Variants in CD247 observed in about 807,000 individuals in gnomAD.
CD247 encodes the protein CD247 molecule, also known as T-cell surface glycoprotein CD3 zeta chain.
A neutral mutation model predicts 30.0 loss-of-function variants in CD247; 13 were observed. That is an observed-to-expected ratio of 0.43 (90% CI 0.28 to 0.69). The LOEUF (loss-of-function observed/expected upper bound fraction) is 0.69. Ranked by LOEUF, CD247 falls within the 30% of genes least tolerant of loss-of-function variation. The pLI is 0.16. For synonymous variants in CD247, 72 were observed against 80.0 expected (o/e 0.90, Z 0.53); for missense variants, 193 against 212.6 (o/e 0.91, Z 0.57).
intron 6 of CD247, among the ~76,000 whole-genome samples, chr1:167,433,537 T>C (rs1651376546): frequency 6.6e-6 from 1 of 152,220 alleles, no homozygotes; most frequent in African/African-American, 2.4e-5. Flanking sequence ...CACATGTTTC[T>C]CATTGGGTTG....
At chr1:167,517,109 G>GACCCT (rs1158758901) in intron 1 of CD247, among the ~76,000 whole-genome samples, 7 of 152,218 alleles carry the variant, frequency 4.6e-5, no homozygotes, top group Non-Finnish European at 1.0e-4. Context: ...GCTGCTCTGA[G>GACCCT]CAAGCTCAGG....
At chr1:167,474,123 G>T (rs190843523) in intron 1 of CD247, among the ~76,000 whole-genome samples, 5 of 152,010 alleles carry the variant, frequency 3.3e-5, no homozygotes, top group African/African-American at 1.2e-4. Flanking sequence ...GATTTCATTC[G>T]CAAGAGAAAT....
At chr1:167,491,544 G>T (rs1654450216) in intron 1 of CD247, among the ~76,000 whole-genome samples, 1 of 147,302 alleles carries the variant, frequency 6.8e-6, no homozygotes, top group Non-Finnish European at 1.5e-5. Context: ...TCCAGCCTGG[G>T]CAACAAGAGC....
chr1:167,490,396 G>A (rs918642022), intron 1 of CD247, among the ~76,000 whole-genome samples: 1 of 152,086 alleles, frequency 6.6e-6, no homozygotes, highest in African/African-American at 2.4e-5. Flanking sequence ...AGGCCGAGTT[G>A]GGTGGATCAC....
At chr1:167,504,287 C>T (rs1303311135) in intron 1 of CD247, among the ~76,000 whole-genome samples, 2 of 152,218 alleles carry the variant, frequency 1.3e-5, no homozygotes, top group Non-Finnish European at 2.9e-5. Context: ...ACAGTTACCA[C>T]CCCTCTATCA....
At chr1:167,506,417 G>A (rs375386826) in intron 1 of CD247, among the ~76,000 whole-genome samples, 5 of 142,506 alleles carry the variant, frequency 3.5e-5, no homozygotes, top group Admixed American at 1.4e-4. Context: ...GTATTATCAC[G>A]GCTCACTGCA....
chr1:167,487,717 C>T (rs1257177969), intron 1 of CD247, among the ~76,000 whole-genome samples: 1 of 152,198 alleles, frequency 6.6e-6, no homozygotes, highest in Non-Finnish European at 1.5e-5. Flanking sequence ...AGTGTGGGTC[C>T]TACTCCCACC....
intron 1 of CD247, among the ~76,000 whole-genome samples, chr1:167,483,343 C>T (rs1654056957): frequency 6.6e-6 from 1 of 152,156 alleles, no homozygotes; most frequent in Non-Finnish European, 1.5e-5. Flanking sequence ...AGTTGATCAA[C>T]CACAGTGTCC....
At chr1:167,440,187 A>C (rs911005601) in intron 2 of CD247, 11 of 205,734 alleles carry the variant, frequency 5.3e-5, no homozygotes, top group Non-Finnish European at 1.1e-4. Context: ...AAATTCTTCC[A>C]ATCTCTGCCC....
At chr1:167,453,451 T>G (rs1652468079) in intron 1 of CD247, among the ~76,000 whole-genome samples, 1 of 152,184 alleles carries the variant, frequency 6.6e-6, no homozygotes. Flanking sequence ...AAATCTACTT[T>G]CGAGCAAACC....
At chr1:167,491,360 G>A (rs1005778757) in intron 1 of CD247, among the ~76,000 whole-genome samples, 2 of 152,152 alleles carry the variant, frequency 1.3e-5, no homozygotes, top group African/African-American at 4.8e-5. Flanking sequence ...CCTGAGGTCG[G>A]GAGTTCGAGA....
chr1:167,466,196 C>T (rs1041221034), intron 1 of CD247, among the ~76,000 whole-genome samples: 1 of 152,208 alleles, frequency 6.6e-6, no homozygotes, highest in African/African-American at 2.4e-5. Context: ...CGAGGCTCAG[C>T]ACAGATCTCA....
chr1:167,471,583 G>T (rs1653522846), intron 1 of CD247, among the ~76,000 whole-genome samples: 1 of 151,974 alleles, frequency 6.6e-6, no homozygotes, highest in Non-Finnish European at 1.5e-5. Context: ...GAATTGTGTG[G>T]TGATGACTTT....
chr1:167,493,823 G>A (rs704851), intron 1 of CD247, among the ~76,000 whole-genome samples: 142,792 of 152,292 alleles, frequency 0.94, 67,022 homozygotes, highest in East Asian at 1. Flanking sequence ...GATTCTTCTT[G>A]TTTAAGAAGC....
intron 1 of CD247, among the ~76,000 whole-genome samples, chr1:167,442,144 G>A (rs995990285): frequency 6.6e-6 from 1 of 152,186 alleles, no homozygotes; most frequent in African/African-American, 2.4e-5. Context: ...GTTTTTATTT[G>A]GAACATCATT....
chr1:167,469,628 T>A (rs955922933), intron 1 of CD247, among the ~76,000 whole-genome samples: 2 of 147,834 alleles, frequency 1.4e-5, no homozygotes, highest in South Asian at 4.2e-4. Context: ...TCCTCACCCC[T>A]TTTTTTTTCT....
At chr1:167,448,570 A>T in intron 1 of CD247, 1 of 975,080 alleles carries the variant, frequency 1.0e-6, no homozygotes, top group South Asian at 4.7e-5. Context: ...GCAATGACCC[A>T]CTGGAGATAC....
intron 1 of CD247, among the ~76,000 whole-genome samples, chr1:167,491,063 A>C (rs1240581825): frequency 6.6e-6 from 1 of 152,180 alleles, no homozygotes; most frequent in Non-Finnish European, 1.5e-5. Flanking sequence ...TTTATTCTAT[A>C]TTTACAATTT....
chr1:167,440,912 A>C (rs1571515808), intron 1 of CD247, 145 bp from the exon 2 acceptor site: 1 of 685,506 alleles, frequency 1.5e-6, no homozygotes, highest in Non-Finnish European at 2.7e-6. Context: ...CCTGATCACA[A>C]CCCTCTCCCT....
Sources: allele counts gnomAD v4.1 joint callset (sites outside exome capture counted in the v4.1 genomes callset), GRCh38; gene constraint gnomAD v4.1.1; transcripts MANE v1.5; gene names NCBI Gene and HGNC (gene_info 2026-07-23, HGNC 2026-07-21).